TRPC4: variants seen among roughly 807,000 people sequenced by gnomAD.
The protein encoded by TRPC4 is transient receptor potential cation channel subfamily C member 4, also known as short transient receptor potential channel 4.
Under a neutral mutation model 99.4 loss-of-function variants are expected in TRPC4, and 49 were observed. The observed-to-expected ratio is 0.49, with a 90% CI of 0.39 to 0.63. The LOEUF is 0.63. TRPC4 is among the 20% of genes least tolerant of loss of function. TRPC4 has a pLI of 0.00. For synonymous variants in TRPC4, 454 were observed against 425.9 expected (o/e 1.07, Z -0.81); for missense variants, 898 against 1,152.9 (o/e 0.78, Z 3.20).
At chr13:37,696,475 A>G (rs917870982) in intron 3 of TRPC4, among the ~76,000 whole-genome samples, 146 of 152,208 alleles carry the variant, frequency 9.6e-4, no homozygotes, top group African/African-American at 3.5e-3. Flanking sequence ...TTTTCAACTT[A>G]TTTTTCTAGT....
At chr13:37,784,487 CT>C (rs1239353015) in intron 1 of TRPC4, among the ~76,000 whole-genome samples, 2 of 151,948 alleles carry the variant, frequency 1.3e-5, no homozygotes, top group Non-Finnish European at 2.9e-5. Flanking sequence ...AGTATGATTT[CT>C]TTGTTGCTGT....
At chr13:37,773,758 T>A (rs1428458316) in intron 2 of TRPC4, among the ~76,000 whole-genome samples, 1 of 151,814 alleles carries the variant, frequency 6.6e-6, no homozygotes, top group Non-Finnish European at 1.5e-5. Context: ...ACTGAATTTT[T>A]TGGTAGCAAT....
intron 3 of TRPC4, among the ~76,000 whole-genome samples, chr13:37,696,158 T>C (rs1473899056): frequency 6.6e-6 from 1 of 151,954 alleles, no homozygotes; most frequent in Non-Finnish European, 1.5e-5. Flanking sequence ...GCAGGGAAAC[T>C]CCCCTTTTTA....
chr13:37,679,025 G>T (rs1450606541), intron 4 of TRPC4, among the ~76,000 whole-genome samples: 1 of 152,086 alleles, frequency 6.6e-6, no homozygotes, highest in Non-Finnish European at 1.5e-5. Context: ...AATTTAACAT[G>T]CATTCATGAT....
At chr13:37,684,950 A>T (rs898988547) in intron 4 of TRPC4, among the ~76,000 whole-genome samples, 6 of 152,232 alleles carry the variant, frequency 3.9e-5, no homozygotes, top group African/African-American at 9.6e-5. Flanking sequence ...CAAAGGACTT[A>T]TTCTTTCTTT....
At chr13:37,684,639 C>G (rs1953397075) in intron 4 of TRPC4, among the ~76,000 whole-genome samples, 1 of 152,028 alleles carries the variant, frequency 6.6e-6, no homozygotes, top group Non-Finnish European at 1.5e-5. Context: ...CAATAAGCAG[C>G]AGAAGTTGCC....
chr13:37,672,802 A>C (rs537639280), intron 5 of TRPC4, among the ~76,000 whole-genome samples: 1 of 152,310 alleles, frequency 6.6e-6, no homozygotes, highest in South Asian at 2.1e-4. Context: ...ATTAACCTCA[A>C]TGCATTAATA....
intron 4 of TRPC4, among the ~76,000 whole-genome samples, chr13:37,683,395 T>C (rs1029381335): frequency 6.6e-6 from 1 of 152,074 alleles, no homozygotes; most frequent in African/African-American, 2.4e-5. Flanking sequence ...AAGTGCATAT[T>C]AGAAGAAAAG....
At chr13:37,851,405 A>T (rs1262499425) in intron 1 of TRPC4, among the ~76,000 whole-genome samples, 1 of 152,224 alleles carries the variant, frequency 6.6e-6, no homozygotes, top group Non-Finnish European at 1.5e-5. Flanking sequence ...TATTGGAGTT[A>T]TCAGCCTCAG....
chr13:37,728,852 T>C (rs565361848), intron 3 of TRPC4, among the ~76,000 whole-genome samples: 1 of 152,248 alleles, frequency 6.6e-6, no homozygotes, highest in African/African-American at 2.4e-5. Flanking sequence ...AGTGAAATAG[T>C]TGAGAGCCTA....
At position 37,688,104 on chromosome 13, in the gene TRPC4, T is replaced by A. The variant is rs1191671316; in HGVS notation, c.1234+3895A>T. 2.6e-5 allele frequency among the ~76,000 whole-genome samples: 4 copies of A among 152,172 alleles called. No individual in the cohort carries two copies. The South Asian group carries it at 8.3e-4, about 32-fold the overall frequency. On this transcript the variant is annotated intron_variant, in intron 4 of 10. Coordinates refer to ENST00000379705, the MANE Select transcript of TRPC4 (RefSeq NM_016179.4). ...CTGACAGCAAATATGTGCAAGAAGATCTCTTGAGGCTGTTTGATGGCAGAA... is the reference window on the plus strand; with the variant it reads ...CTGACAGCAAATATGTGCAAGAAGAACTCTTGAGGCTGTTTGATGGCAGAA...
intron 2 of TRPC4, among the ~76,000 whole-genome samples, chr13:37,775,829 C>G (rs897413755): frequency 4.0e-4 from 61 of 151,282 alleles, no homozygotes; most frequent in African/African-American, 1.2e-3. Flanking sequence ...GTGGTAAATG[C>G]CTTTCACTCC....
Position 37,842,372 on chromosome 13 carries a change from G to GAAAAAAAAAAAAAAAAAA in TRPC4, c.-28+27222_-28+27223insTTTTTTTTTTTTTTTTTT, listed in dbSNP as rs1566216069. ...AAAAAAAAAAAAAAAAAAAAAAAAG[G>GAAAAAAAAAAAAAAAAAA]AAAAGGAAAAGTATAAATCGGGGGC... On this transcript the variant is annotated intron_variant, in intron 1 of 10. Coordinates refer to ENST00000379705, the MANE Select transcript of TRPC4 (RefSeq NM_016179.4). 2.1e-4 allele frequency among the ~76,000 whole-genome samples: 15 copies of GAAAAAAAAAAAAAAAAAA among 72,080 alleles called. 1 individual carries two copies. The highest frequency in any genetic ancestry group is 9.1e-4 in the East Asian group (2 of 2,188). The allele number at this position is 72,080 out of a possible 152,430, so 47.3% of individuals were successfully genotyped here.
At chr13:37,848,479 A>G (rs1033301968) in intron 1 of TRPC4, among the ~76,000 whole-genome samples, 8 of 152,128 alleles carry the variant, frequency 5.3e-5, no homozygotes, top group African/African-American at 1.7e-4. Context: ...TTCCTGACTT[A>G]TTTCTTCATT....
chr13:37,668,373 G>A (rs889322898), intron 5 of TRPC4, among the ~76,000 whole-genome samples: 1 of 152,094 alleles, frequency 6.6e-6, no homozygotes, highest in Non-Finnish European at 1.5e-5. Context: ...GCATTTTTAG[G>A]TGCTGGACAT....
chr13:37,715,134 C>T lies in TRPC4; in HGVS notation c.898-22799G>A, dbSNP rs537284045. On this transcript the variant is annotated intron_variant, in intron 3 of 10. Coordinates refer to ENST00000379705, the MANE Select transcript of TRPC4 (RefSeq NM_016179.4). ...TTCATGGTCTAAAGAGAGCTGAAAG[C>T]ACTTGTCTAGGACCACCTTCCAGAC... Among the ~76,000 whole-genome samples the T allele has an allele frequency of 1.4e-4, 21 of 152,276 alleles. No homozygotes were observed. In the South Asian group the frequency reaches 4.3e-3, roughly 32 times the overall value.
chr13:37,759,239 A>T (rs1276496820), intron 2 of TRPC4, among the ~76,000 whole-genome samples: 1 of 151,842 alleles, frequency 6.6e-6, no homozygotes, highest in Non-Finnish European at 1.5e-5. Flanking sequence ...AAGTTAGGCT[A>T]TTCATCTCCT....
intron 1 of TRPC4, among the ~76,000 whole-genome samples, chr13:37,844,315 A>G (rs144590298): frequency 2.0e-5 from 3 of 151,904 alleles, no homozygotes; most frequent in African/African-American, 7.2e-5. Flanking sequence ...ATTTTTTGAG[A>G]CAGAGTTTCA....
chr13:37,721,061 T>C (rs967305162), intron 3 of TRPC4, among the ~76,000 whole-genome samples: 13 of 152,170 alleles, frequency 8.5e-5, no homozygotes, highest in African/African-American at 3.1e-4. Context: ...TCACAGACTA[T>C]ACACAAAGCT....
Sources: gnomAD v4.1 joint callset for allele counts (sites outside exome capture counted in the v4.1 genomes callset) on GRCh38, gnomAD v4.1.1 for gene constraint, MANE v1.5 for transcripts, NCBI Gene and HGNC (gene_info 2026-07-23, HGNC 2026-07-21) for gene names.